PHKA1: variants seen among roughly 807,000 people sequenced by gnomAD.
PHKA1 encodes the protein phosphorylase b kinase regulatory subunit alpha, skeletal muscle isoform.
A neutral mutation model predicts 110.2 loss-of-function variants in PHKA1; 60 were observed. The ratio of observed to expected loss-of-function variants is 0.54; its 90% confidence interval spans 0.44 to 0.68. PHKA1 has a LOEUF of 0.68. PHKA1 is among the 30% of genes least tolerant of loss of function. The pLI is 0.00. For missense variants in PHKA1, 801 were observed against 942.5 expected (o/e 0.85, Z 1.97); for synonymous variants, 316 against 333.6 (o/e 0.95, Z 0.58).
intron 17 of PHKA1, among the ~76,000 whole-genome samples, chrX:72,624,317 A>C (rs2053021865): frequency 9.0e-6 from 1 of 111,666 alleles, no homozygotes; most frequent in South Asian, 3.8e-4. Context: ...TTCCAGTTCT[A>C]CACCTCCCTC....
At chrX:72,650,526 G>A in intron 12 of PHKA1, 58 bp from the exon 13 acceptor site, 5 of 963,581 alleles carry the variant, frequency 5.2e-6, no homozygotes, top group Non-Finnish European at 7.4e-6. Context: ...ACTAATACTT[G>A]AGGGAAAACA....
chrX:72,596,260 CAG>C (rs1320235047), intron 28 of PHKA1, among the ~76,000 whole-genome samples: 1 of 111,244 alleles, frequency 9.0e-6, no homozygotes. Context: ...CTCATAGAAG[CAG>C]AGAGTAGAAC....
Position 72,714,057 on chromosome X carries a change from G to T in PHKA1, c.-177C>A. 2.1e-6 allele frequency: 1 copy of T among 478,172 alleles called. No homozygotes were observed. The highest frequency in any genetic ancestry group is 3.7e-6 in the Non-Finnish European group (1 of 272,740). 39.4% of individuals were successfully genotyped at this position (478,172 alleles called of 1,213,427 possible). ...CGCCGCGGATTCCGCGTACCTCTCC[G>T]GACTCCGGCGGCCTCAGGGGCCCAC... is the stretch of plus-strand genomic sequence containing the variant. On this transcript the variant is annotated 5_prime_UTR_variant, in exon 1 of 32. Coordinates refer to ENST00000373542, the MANE Select transcript of PHKA1 (RefSeq NM_002637.4).
intron 6 of PHKA1, among the ~76,000 whole-genome samples, chrX:72,673,604 T>A (rs1374638914): frequency 1.8e-5 from 2 of 110,754 alleles, no homozygotes; most frequent in African/African-American, 3.3e-5. Context: ...CAAGTTGTAA[T>A]AACATGTTCT....
Position 72,695,735 on chromosome X carries a change from G to A in PHKA1, c.427C>T (p.Leu143Phe). ...GAGGCAGTCATTTGGGCTAAGAAGA[G>A]CAGGTACACAGAGGTAGCATCCAAC... ...LQLDATSVYLLFLAQMTASGL... is the reference protein window; with the variant it reads ...LQLDATSVYLFFLAQMTASGL... The change falls in exon 4 of 32, where the codon CTC becomes TTC. Residue 143 changes from leucine to phenylalanine, a missense_variant. This residue lies in a region of PHKA1 where 299 missense variants were observed against 423.3 expected (regional missense o/e 0.71). Coordinates refer to ENST00000373542, the MANE Select transcript of PHKA1 (RefSeq NM_002637.4). 8 of 1,209,663 alleles carry A rather than the reference G, an allele frequency of 6.6e-6. No individual in the cohort carries two copies. The highest frequency in any genetic ancestry group is 7.8e-6 in the Non-Finnish European group (7 of 894,946).
In PHKA1 at chrX:72,657,343, G is replaced by A. The variant is rs1569443031; in HGVS notation, c.918+245C>T. Among the ~76,000 whole-genome samples, 3 of 111,998 alleles carry A rather than the reference G, an allele frequency of 2.7e-5. 1 individual carries two copies. The highest frequency in any genetic ancestry group is 3.2e-5 in the African/African-American group (1 of 30,851). The stretch of plus-strand genomic sequence containing the variant: ...TACCATGTATCTGTAGTTCTTTCCC[G>A]AAACTAACCAATGCAAGAGGTGGAA... On this transcript the variant is annotated intron_variant, in intron 9 of 31. Coordinates refer to ENST00000373542, the MANE Select transcript of PHKA1 (RefSeq NM_002637.4).
chrX:72,583,393 A>G (rs2052365102), intron 30 of PHKA1, among the ~76,000 whole-genome samples: 1 of 112,231 alleles, frequency 8.9e-6, no homozygotes, highest in Non-Finnish European at 1.9e-5. Context: ...TAAAGGTACT[A>G]TTCAGGTATG....
At chrX:72,669,114 A>G (rs1556307639) in intron 6 of PHKA1, among the ~76,000 whole-genome samples, 1 of 111,912 alleles carries the variant, frequency 8.9e-6, no homozygotes, top group East Asian at 2.8e-4. Flanking sequence ...TGGGTACAGC[A>G]CAGGTGGCTG....
chrX:72,662,816 C>A (rs1208827588), intron 8 of PHKA1, among the ~76,000 whole-genome samples: 6 of 111,326 alleles, frequency 5.4e-5, no homozygotes, highest in Non-Finnish European at 1.9e-5. Context: ...AGAAACTGCA[C>A]AGAGACTATA....
At chrX:72,646,058 G>A (rs2053355897) in intron 13 of PHKA1, among the ~76,000 whole-genome samples, 1 of 112,086 alleles carries the variant, frequency 8.9e-6, no homozygotes, top group African/African-American at 3.2e-5. Flanking sequence ...TATAGAGGGA[G>A]GTGGGAAGAA....
intron 16 of PHKA1, among the ~76,000 whole-genome samples, chrX:72,627,811 C>CG (rs2053101508): frequency 1.5e-5 from 1 of 67,869 alleles, no homozygotes. Context: ...TTTTCCTACA[C>CG]TTTTTTTTTT....
intron 5 of PHKA1, among the ~76,000 whole-genome samples, chrX:72,679,092 G>T (rs1282365253): frequency 1.8e-5 from 2 of 111,842 alleles, no homozygotes; most frequent in Non-Finnish European, 3.8e-5. Context: ...GCTAGGGAAA[G>T]AACCACCCAA....
rs1341563381 is a variant in PHKA1 at position 72,679,837 on chromosome X, C to T, written c.538-3687G>A. Among the ~76,000 whole-genome samples, 7 of 109,574 alleles carry T rather than the reference C, an allele frequency of 6.4e-5. No homozygotes were observed. The South Asian group carries it at 2.4e-3, about 38-fold the overall frequency. On this transcript the variant is annotated intron_variant, in intron 5 of 31. Coordinates refer to ENST00000373542, the MANE Select transcript of PHKA1 (RefSeq NM_002637.4). Reference sequence around the variant, plus strand: ...CCTAATACACATGTTATTGAATACTCGAAGGAAGGGGGGGAACATAAAAAC... The same window carrying T: ...CCTAATACACATGTTATTGAATACTTGAAGGAAGGGGGGGAACATAAAAAC...
At position 72,695,854 on chromosome X, in the gene PHKA1, T is replaced by C; in HGVS notation, c.308A>G (p.Lys103Arg). 4 of 1,208,471 alleles carry C rather than the reference T, an allele frequency of 3.3e-6. No homozygotes were observed. Among genetic ancestry groups the C allele is most frequent in the Non-Finnish European group, 4.5e-6 (4 of 892,674 alleles). ...GCTATCCTTAGTACTCTGACTATAT[T>C]TGAAGGATTCTACTTTATCCACCTG... ...IRQVDKVESF[K>R]YSQSTKDSLH... The change falls in exon 4 of 32, where the codon AAA becomes AGA. Residue 103 changes from lysine (K) to arginine (R), a missense_variant. Coordinates refer to ENST00000373542, the MANE Select transcript of PHKA1 (RefSeq NM_002637.4).
chrX:72,643,844 A>G (rs1313875858), intron 14 of PHKA1, among the ~76,000 whole-genome samples: 2 of 111,739 alleles, frequency 1.8e-5, no homozygotes, highest in South Asian at 3.8e-4. Flanking sequence ...GTAGTTTAGA[A>G]TTTCTTTTAG....
intron 12 of PHKA1, among the ~76,000 whole-genome samples, chrX:72,651,289 C>A (rs963474827): frequency 2.7e-5 from 3 of 111,504 alleles, no homozygotes; most frequent in South Asian, 3.8e-4. Flanking sequence ...GTAATCCCAG[C>A]ACTTTGGGAG....
At chrX:72,675,085 G>C (rs6525603) in intron 6 of PHKA1, among the ~76,000 whole-genome samples, 2,580 of 109,112 alleles carry the variant, frequency 0.024, 71 homozygotes, top group African/African-American at 0.082. Context: ...CTACTCGGGA[G>C]GCTGAAGCAG....
intron 14 of PHKA1, among the ~76,000 whole-genome samples, chrX:72,641,844 G>A (rs1309335783): frequency 9.0e-6 from 1 of 111,575 alleles, no homozygotes; most frequent in African/African-American, 3.3e-5. Context: ...GTCATCAGAT[G>A]TTGCCTCATC....
At chrX:72,676,029 T>C in intron 6 of PHKA1, 41 bp downstream of exon 6, 2 of 997,354 alleles carry the variant, frequency 2.0e-6, no homozygotes, top group South Asian at 3.8e-5. Context: ...ATACCAGACT[T>C]CCTCATCCCA....
Sources: gnomAD v4.1 joint callset for allele counts (sites outside exome capture counted in the v4.1 genomes callset) on GRCh38, gnomAD v4.1.1 for gene constraint, gnomAD v4.1.1 regional missense constraint, MANE v1.5 for transcripts, NCBI Gene and HGNC (gene_info 2026-07-23, HGNC 2026-07-21) for gene names.